The following CMSS1 variants were observed in gnomAD, a reference collection of about 807,000 sequenced individuals.
CMSS1 encodes the protein protein CMSS1.
In CMSS1, 33 loss-of-function variants were observed where a neutral mutation model predicts 43.5. The observed-to-expected ratio is 0.76, with a 90% CI of 0.57 to 1.01. CMSS1 has a LOEUF of 1.01. Ranked by LOEUF, CMSS1 falls within the 50% of genes least tolerant of loss-of-function variation. The probability of loss-of-function intolerance (pLI) is 0.00; values close to 1 mark genes in which losing one functional copy is unlikely to be tolerated. For missense variants in CMSS1, 313 were observed against 326.4 expected (o/e 0.96, Z 0.32); for synonymous variants, 115 against 117.2 (o/e 0.98, Z 0.12).
chr3:99,834,186 C>T (rs1006048213), intron 1 of CMSS1, among the ~76,000 whole-genome samples: 3 of 152,168 alleles, frequency 2.0e-5, no homozygotes, highest in African/African-American at 4.8e-5. Flanking sequence ...GAAACTTTAT[C>T]ACTACAAGTT....
chr3:100,162,503 A>G (rs1156233643), intron 4 of CMSS1, 71 bp downstream of exon 4: 3 of 1,509,902 alleles, frequency 2.0e-6, no homozygotes, highest in East Asian at 2.3e-5. Flanking sequence ...TAGGTGTCTC[A>G]GGCAGTCAAT....
intron 1 of CMSS1, chr3:100,114,394 G>T (rs940247103): frequency 2.6e-5 from 4 of 152,366 alleles, no homozygotes; most frequent in African/African-American, 9.7e-5. Context: ...TGGAAGAAAG[G>T]TTCTAACTGG....
chr3:99,908,170 C>T (rs887051964), intron 1 of CMSS1, among the ~76,000 whole-genome samples: 8 of 152,184 alleles, frequency 5.3e-5, no homozygotes, highest in Non-Finnish European at 5.9e-5. Context: ...ATAACATAGC[C>T]CATGCAGCTG....
rs1184537682 is a variant in CMSS1, at chr3:99,910,738, A to G, written c.64+92695A>G. On this transcript the variant is annotated intron_variant, in intron 1 of 9. Coordinates refer to ENST00000421999, the MANE Select transcript of CMSS1 (RefSeq NM_032359.4). ...ATTCTTTGCCCAAATAGTTACCCAT[A>G]CTCTTCTCAGAACCCTCATGCAAGA... 7.3e-5 allele frequency among the ~76,000 whole-genome samples: 11 copies of G among 149,934 alleles called. 2 individuals are homozygous for G. The highest frequency in any genetic ancestry group is 2.7e-4 in the African/African-American group (11 of 41,170).
At chr3:100,114,951 A>C in intron 1 of CMSS1, 1 of 1,535,576 alleles carries the variant, frequency 6.5e-7, no homozygotes, top group Non-Finnish European at 8.7e-7. Context: ...AGGAGACACG[A>C]GGGCAAAGTG....
At chr3:99,821,356 G>C (rs1942435000) in intron 1 of CMSS1, among the ~76,000 whole-genome samples, 1 of 152,178 alleles carries the variant, frequency 6.6e-6, no homozygotes, top group Non-Finnish European at 1.5e-5. Flanking sequence ...TATGCAATTA[G>C]AATTTTGCAG....
chr3:100,055,755 GAGAT>G (rs1230443389), intron 1 of CMSS1, among the ~76,000 whole-genome samples: 1 of 152,170 alleles, frequency 6.6e-6, no homozygotes, highest in Non-Finnish European at 1.5e-5. Context: ...TTAGAAAAGA[GAGAT>G]AGGCTAGAGA....
chr3:100,088,159 G>A (rs1387012680), intron 1 of CMSS1, among the ~76,000 whole-genome samples: 1 of 152,096 alleles, frequency 6.6e-6, no homozygotes, highest in African/African-American at 2.4e-5. Flanking sequence ...AACTACTTTT[G>A]TAGGTTTTTA....
intron 1 of CMSS1, among the ~76,000 whole-genome samples, chr3:99,828,272 T>C (rs534906966): frequency 3.3e-5 from 5 of 152,280 alleles, no homozygotes; most frequent in African/African-American, 1.2e-4. Flanking sequence ...TTGCTATCTC[T>C]TAGCATGTTT....
intron 1 of CMSS1, among the ~76,000 whole-genome samples, chr3:99,831,880 A>C (rs950357951): frequency 1.3e-5 from 2 of 152,154 alleles, no homozygotes; most frequent in Non-Finnish European, 2.9e-5. Context: ...AACTTCCTTT[A>C]GATGTAAGCT....
chr3:99,926,139 G>A (rs765497566), intron 1 of CMSS1, among the ~76,000 whole-genome samples: 2 of 152,162 alleles, frequency 1.3e-5, no homozygotes, highest in Non-Finnish European at 2.9e-5. Context: ...ATCCTAAAAA[G>A]CATGTACTTG....
intron 2 of CMSS1, 26 bp downstream of exon 2, chr3:100,147,087 C>A (rs376253979): frequency 1.2e-6 from 2 of 1,612,006 alleles, no homozygotes; most frequent in Non-Finnish European, 1.7e-6. Context: ...GGGAGAGCCA[C>A]CACTGTTAAA....
At chr3:99,855,803 C>T (rs1035061343) in intron 1 of CMSS1, among the ~76,000 whole-genome samples, 4 of 152,204 alleles carry the variant, frequency 2.6e-5, no homozygotes, top group African/African-American at 7.2e-5. Flanking sequence ...ACATTTTTAA[C>T]TGGCATCTAG....
chr3:100,017,333 A>G (rs1185953430), intron 1 of CMSS1, among the ~76,000 whole-genome samples: 1 of 150,736 alleles, frequency 6.6e-6, no homozygotes. Context: ...GTGAAGTTAG[A>G]TGAGATTTGT....
intron 1 of CMSS1, among the ~76,000 whole-genome samples, chr3:100,120,855 C>T (rs1465251612): frequency 6.6e-6 from 1 of 152,034 alleles, no homozygotes; most frequent in East Asian, 1.9e-4. Flanking sequence ...AGAAGGAGGG[C>T]ATTCTAGGCA....
At chr3:99,829,856 C>A (rs1247546522) in intron 1 of CMSS1, among the ~76,000 whole-genome samples, 1 of 152,156 alleles carries the variant, frequency 6.6e-6, no homozygotes, top group Non-Finnish European at 1.5e-5. Context: ...GGCTGTTATT[C>A]ACTTTTGTTA....
intron 1 of CMSS1, among the ~76,000 whole-genome samples, chr3:100,102,643 A>G (rs761916866): frequency 2.0e-5 from 3 of 152,182 alleles, no homozygotes; most frequent in Non-Finnish European, 4.4e-5. Flanking sequence ...GCCAAGCTGC[A>G]TTCTGTGTCC....
intron 1 of CMSS1, among the ~76,000 whole-genome samples, chr3:100,010,816 T>TG (rs1265963937): frequency 4.6e-5 from 4 of 86,080 alleles, no homozygotes; most frequent in African/African-American, 9.5e-5. Flanking sequence ...TTAGTAGAGG[T>TG]GGGGGTTTCA....
chr3:100,034,811 T>TA (rs1323374720), intron 1 of CMSS1, among the ~76,000 whole-genome samples: 2 of 152,168 alleles, frequency 1.3e-5, no homozygotes. Context: ...TATGCAGCCT[T>TA]AGGAGAATAT....
Sources: allele counts gnomAD v4.1 joint callset (sites outside exome capture counted in the v4.1 genomes callset), GRCh38; gene constraint gnomAD v4.1.1; transcripts MANE v1.5; gene names NCBI Gene and HGNC (gene_info 2026-07-23, HGNC 2026-07-21).